CLSTN2: variants seen among roughly 807,000 people sequenced by gnomAD.
The protein encoded by CLSTN2 is calsyntenin-2.
Under a neutral mutation model 101.2 loss-of-function variants are expected in CLSTN2, and 48 were observed. That is an observed-to-expected ratio of 0.47 (90% CI 0.38 to 0.60). The LOEUF (loss-of-function observed/expected upper bound fraction) is 0.60. Among genes scored for constraint, CLSTN2 ranks in the 20% least tolerant of loss-of-function variants. CLSTN2 has a pLI of 0.00. For missense variants in CLSTN2, 1,160 were observed against 1,238.2 expected, an observed-to-expected ratio of 0.94 and a Z score of 0.95; for synonymous variants, 481 against 463.6, an observed-to-expected ratio of 1.04 and a Z score of -0.48.
chr3:140,093,998 C>T (rs1327259594), intron 1 of CLSTN2, among the ~76,000 whole-genome samples: 1 of 152,194 alleles, frequency 6.6e-6, no homozygotes, highest in African/African-American at 2.4e-5. Context: ...AATAGGAGAG[C>T]TCATGGCTGA....
At chr3:140,154,429 C>T (rs2009916034) in intron 1 of CLSTN2, among the ~76,000 whole-genome samples, 1 of 152,022 alleles carries the variant, frequency 6.6e-6, no homozygotes. Context: ...GTACTTTGGA[C>T]TTTATTCTAA....
At chr3:140,094,153 G>A (rs1354114016) in intron 1 of CLSTN2, among the ~76,000 whole-genome samples, 1 of 152,176 alleles carries the variant, frequency 6.6e-6, no homozygotes, top group Non-Finnish European at 1.5e-5. Flanking sequence ...CAATGCCAAA[G>A]TAAAACAGAA....
chr3:140,255,593 G>T (rs962645876), intron 2 of CLSTN2, among the ~76,000 whole-genome samples: 1 of 152,114 alleles, frequency 6.6e-6, no homozygotes, highest in African/African-American at 2.4e-5. Flanking sequence ...ATAGACACTG[G>T]GACCTACTTG....
intron 2 of CLSTN2, among the ~76,000 whole-genome samples, chr3:140,256,934 A>G (rs979350290): frequency 2.0e-5 from 3 of 152,314 alleles, no homozygotes; most frequent in East Asian, 1.9e-4. Flanking sequence ...TGCTAACTCT[A>G]TGCTGGGAAG....
chr3:139,991,293 T>A (rs1213134196), intron 1 of CLSTN2, among the ~76,000 whole-genome samples: 1 of 152,248 alleles, frequency 6.6e-6, no homozygotes, highest in Admixed American at 6.5e-5. Flanking sequence ...AATGCTAGAT[T>A]GTTTTAGGAT....
chr3:140,333,178 C>T (rs186394713), intron 2 of CLSTN2, among the ~76,000 whole-genome samples: 36 of 152,312 alleles, frequency 2.4e-4, no homozygotes, highest in African/African-American at 8.4e-4. Context: ...TGTAAGTGCA[C>T]GAGCTTGTTG....
chr3:140,177,855 G>A (rs1238966433), intron 2 of CLSTN2, among the ~76,000 whole-genome samples: 1 of 152,094 alleles, frequency 6.6e-6, no homozygotes, highest in Non-Finnish European at 1.5e-5. Context: ...GGTTTATCTT[G>A]ATAAATCTGA....
chr3:140,025,189 T>C (rs560929372), intron 1 of CLSTN2, among the ~76,000 whole-genome samples: 25 of 152,332 alleles, frequency 1.6e-4, no homozygotes, highest in Non-Finnish European at 1.0e-4. Flanking sequence ...AGCAATTTTG[T>C]TTCTGTTTAC....
chr3:140,563,227 C>T lies in CLSTN2; in HGVS notation c.2482+24C>T, dbSNP rs767206310. On this transcript the variant is annotated intron_variant, in intron 15 of 16. Transcript: ENST00000458420. ...AGGTAGGGTGCCCAAGAGGAGGGAC[C>T]CTCAGGACACAGGTCGTCATTGTGA... 5 of 1,611,306 alleles carry T rather than the reference C, an allele frequency of 3.1e-6. No individual in the cohort carries two copies. In the Admixed American group the frequency reaches 5.0e-5, roughly 16 times the overall value.
chr3:140,207,518 TA>T (rs1353346604), intron 2 of CLSTN2, among the ~76,000 whole-genome samples: 1 of 152,178 alleles, frequency 6.6e-6, no homozygotes, highest in African/African-American at 2.4e-5. Context: ...GAACTTGTTT[TA>T]AAAATTAAAT....
chr3:140,450,722 GCACATACACA>G (rs554214244), intron 6 of CLSTN2, among the ~76,000 whole-genome samples: 260 of 151,948 alleles, frequency 1.7e-3, no homozygotes, highest in African/African-American at 5.8e-3. Flanking sequence ...GTACACACAA[GCACATACACA>G]CACATACACA....
At chr3:140,278,485 C>G (rs192125580) in intron 2 of CLSTN2, among the ~76,000 whole-genome samples, 86 of 152,300 alleles carry the variant, frequency 5.6e-4, no homozygotes, top group African/African-American at 2.0e-3. Context: ...TCCAGTAACT[C>G]CAGCCCTCCT....
chr3:140,554,536 C>T (rs1161456555), intron 10 of CLSTN2, among the ~76,000 whole-genome samples: 1 of 152,184 alleles, frequency 6.6e-6, no homozygotes, highest in African/African-American at 2.4e-5. Context: ...GGAATTGAGA[C>T]AAGCTGCATT....
intron 1 of CLSTN2, among the ~76,000 whole-genome samples, chr3:140,120,718 T>TTGTC (rs879291576): frequency 2.4e-4 from 36 of 152,270 alleles, no homozygotes; most frequent in Middle Eastern, 3.4e-3. Flanking sequence ...GATGAATATC[T>TTGTC]TGTCTGTCTG....
intron 1 of CLSTN2, among the ~76,000 whole-genome samples, chr3:140,108,380 C>G (rs2009097664): frequency 6.6e-6 from 1 of 152,198 alleles, no homozygotes; most frequent in Admixed American, 6.5e-5. Flanking sequence ...GAAGAAAGCT[C>G]TTTAGGGATT....
intron 2 of CLSTN2, among the ~76,000 whole-genome samples, chr3:140,239,225 A>G (rs1035805233): frequency 5.8e-4 from 88 of 152,284 alleles, no homozygotes; most frequent in African/African-American, 2.0e-3. Flanking sequence ...ATTTTGATTC[A>G]GTCCAGACCT....
chr3:140,244,616 AC>A (rs2086499220), intron 2 of CLSTN2, among the ~76,000 whole-genome samples: 1 of 152,156 alleles, frequency 6.6e-6, no homozygotes, highest in Non-Finnish European at 1.5e-5. Flanking sequence ...CTGCTTAATA[AC>A]AGTTTATTGA....
chr3:139,959,926 C>G (rs12107412), intron 1 of CLSTN2, among the ~76,000 whole-genome samples: 1 of 152,126 alleles, frequency 6.6e-6, no homozygotes, highest in Non-Finnish European at 1.5e-5. Flanking sequence ...CTCCCACCCC[C>G]TACCAGCTTA....
chr3:140,323,054 G>C (rs768671169), intron 2 of CLSTN2, among the ~76,000 whole-genome samples: 1 of 152,164 alleles, frequency 6.6e-6, no homozygotes, highest in Non-Finnish European at 1.5e-5. Flanking sequence ...TGTTAACAGC[G>C]CCACAGGGTA....
Sources: allele counts gnomAD v4.1 joint callset (sites outside exome capture counted in the v4.1 genomes callset), GRCh38; gene constraint gnomAD v4.1.1; transcripts MANE v1.5; gene names NCBI Gene and HGNC (gene_info 2026-07-23, HGNC 2026-07-21).